Variants in LINGO2 observed in about 807,000 individuals in gnomAD.
The protein encoded by LINGO2 is leucine-rich repeat and immunoglobulin-like domain-containing nogo receptor-interacting protein 2.
Under a neutral mutation model 30.6 loss-of-function variants are expected in LINGO2, and 14 were observed. The ratio of observed to expected loss-of-function variants is 0.46; its 90% CI spans 0.30 to 0.72. The LOEUF (loss-of-function observed/expected upper bound fraction) is 0.72. LINGO2 is among the 30% of genes least tolerant of loss of function. The pLI is 0.07. For synonymous variants in LINGO2, 317 were observed against 288.5 expected, an observed-to-expected ratio of 1.10 and a Z score of -1.00; for missense variants, 729 against 751.7, an observed-to-expected ratio of 0.97 and a Z score of 0.35.
intron 4 of LINGO2, among the ~76,000 whole-genome samples, chr9:28,143,040 G>A (rs1171286262): frequency 1.3e-5 from 2 of 152,088 alleles, no homozygotes; most frequent in Non-Finnish European, 2.9e-5. Flanking sequence ...TAAATTTCTG[G>A]AACTGTAAAG....
chr9:28,391,795 C>T (rs543646836), intron 2 of LINGO2, among the ~76,000 whole-genome samples: 26 of 152,102 alleles, frequency 1.7e-4, no homozygotes, highest in African/African-American at 6.0e-4. Context: ...TTTATTTATA[C>T]AACATTATTA....
chr9:28,961,582 G>T, the LINGO2 span, among the ~76,000 whole-genome samples: 2 of 152,110 alleles, frequency 1.3e-5, no homozygotes, highest in South Asian at 4.1e-4. Context: ...TCATCTCAGT[G>T]CTAAATGTAA....
At chr9:28,983,373 C>G in the LINGO2 span, among the ~76,000 whole-genome samples, 6 of 147,834 alleles carry the variant, frequency 4.1e-5, no homozygotes, top group East Asian at 1.2e-3. Context: ...TTTCCATCAG[C>G]AATGCTGAAA....
At chr9:28,778,663 A>T in the LINGO2 span, among the ~76,000 whole-genome samples, 13 of 152,268 alleles carry the variant, frequency 8.5e-5, 1 homozygote, top group South Asian at 1.7e-3. Context: ...ACTTAAGATT[A>T]TTCCTGATGA....
chr9:28,221,845 C>T (rs955846331), intron 4 of LINGO2, among the ~76,000 whole-genome samples: 2 of 152,186 alleles, frequency 1.3e-5, no homozygotes, highest in Non-Finnish European at 2.9e-5. Flanking sequence ...ATACTTGCTT[C>T]TTTCCAACAG....
chr9:28,706,097 T>A, the LINGO2 span, among the ~76,000 whole-genome samples: 1 of 152,158 alleles, frequency 6.6e-6, no homozygotes, highest in South Asian at 2.1e-4. Flanking sequence ...TTTGTATTTA[T>A]AACCTCACGC....
At chr9:28,643,018 A>C (rs1256360123) in intron 1 of LINGO2, among the ~76,000 whole-genome samples, 2 of 152,122 alleles carry the variant, frequency 1.3e-5, no homozygotes, top group African/African-American at 4.8e-5. Context: ...ACTATAAAAC[A>C]CTGATGAAAG....
rs187604543 is a variant in LINGO2, at chr9:28,222,450, T to C, written c.-87+72758A>G. On this transcript the variant is annotated intron_variant, in intron 4 of 5. Transcript: ENST00000379992. ...ACTCTTTTTTACTACAAAAAACCCA[T>C]TGGCATACAGAATTTTATAATCAGA... Among the ~76,000 whole-genome samples, 15 of 152,190 alleles carry C rather than the reference T, an allele frequency of 9.9e-5. No homozygotes were observed. The South Asian group carries it at 1.9e-3, about 19-fold the overall frequency.
intron 1 of LINGO2, among the ~76,000 whole-genome samples, chr9:28,576,527 C>T (rs1824000156): frequency 1.3e-5 from 2 of 152,078 alleles, no homozygotes; most frequent in African/African-American, 4.8e-5. Flanking sequence ...TGCAGATATT[C>T]CGGAATAACT....
chr9:29,071,932 T>C, the LINGO2 span, among the ~76,000 whole-genome samples: 2 of 152,202 alleles, frequency 1.3e-5, no homozygotes, highest in South Asian at 4.1e-4. Context: ...ATGCCTAAAA[T>C]TGTAAGTCAA....
the LINGO2 span, among the ~76,000 whole-genome samples, chr9:29,051,548 A>T: frequency 6.6e-6 from 1 of 152,118 alleles, no homozygotes; most frequent in Non-Finnish European, 1.5e-5. Flanking sequence ...TACAGTTCTA[A>T]ATCCTCCTCT....
At chr9:28,801,921 T>C in the LINGO2 span, among the ~76,000 whole-genome samples, 2 of 152,008 alleles carry the variant, frequency 1.3e-5, no homozygotes, top group African/African-American at 4.8e-5. Flanking sequence ...CTGGAAAATA[T>C]AGTGTGCCAA....
chr9:29,071,179 G>GTATTATATTA, the LINGO2 span, among the ~76,000 whole-genome samples: 9 of 100,848 alleles, frequency 8.9e-5, 1 homozygote, highest in Non-Finnish European at 1.4e-4. Context: ...GTATTGTATT[G>GTATTATATTA]TATTGTATTG....
chr9:28,229,976 A>G (rs1821301402), intron 4 of LINGO2, among the ~76,000 whole-genome samples: 1 of 151,888 alleles, frequency 6.6e-6, no homozygotes, highest in African/African-American at 2.4e-5. Context: ...AAGAAAAACT[A>G]ACACCAAAAG....
At chr9:28,711,929 A>G in the LINGO2 span, among the ~76,000 whole-genome samples, 10 of 152,174 alleles carry the variant, frequency 6.6e-5, no homozygotes, top group African/African-American at 1.7e-4. Context: ...TATACTTACA[A>G]TGGCTCTAGG....
the LINGO2 span, among the ~76,000 whole-genome samples, chr9:28,759,714 G>A: frequency 6.6e-6 from 1 of 151,668 alleles, no homozygotes; most frequent in African/African-American, 2.4e-5. Context: ...GAAAATGTCC[G>A]TGGCTTACAG....
chr9:28,223,401 G>T (rs147072905), intron 4 of LINGO2, among the ~76,000 whole-genome samples: 1 of 152,224 alleles, frequency 6.6e-6, no homozygotes, highest in Non-Finnish European at 1.5e-5. Context: ...CTTTTACAAT[G>T]GCCTAAATCT....
chr9:28,232,438 A>G (rs1821390932), intron 4 of LINGO2, among the ~76,000 whole-genome samples: 1 of 151,566 alleles, frequency 6.6e-6, no homozygotes, highest in African/African-American at 2.4e-5. Context: ...AAAAAAAAAA[A>G]AGCTGAAAAA....
At chr9:28,589,733 A>C (rs1279495919) in intron 1 of LINGO2, among the ~76,000 whole-genome samples, 6 of 152,000 alleles carry the variant, frequency 3.9e-5, no homozygotes, top group Admixed American at 6.6e-5. Flanking sequence ...TGCCCAAGGT[A>C]ATTTATAGAT....
Sources: gnomAD v4.1 joint callset for allele counts (sites outside exome capture counted in the v4.1 genomes callset) on GRCh38, gnomAD v4.1.1 for gene constraint, MANE v1.5 for transcripts, NCBI Gene and HGNC (gene_info 2026-07-23, HGNC 2026-07-21) for gene names.